The following ZNF749 variants were observed in gnomAD, a reference collection of about 807,000 sequenced individuals.
ZNF749 encodes the protein zinc finger protein 749.
ZNF749 carries 8 observed loss-of-function variants against 7.3 expected under a neutral mutation model. That is an observed-to-expected ratio of 1.10 (90% CI 0.64 to 1.98). ZNF749 has a LOEUF of 1.98. ZNF749 is among the 30% of genes most tolerant of loss of function. The pLI is 0.00. For missense variants in ZNF749, 898 were observed against 932.4 expected, an observed-to-expected ratio of 0.96 and a Z score of 0.48; for synonymous variants, 310 against 322.4, an observed-to-expected ratio of 0.96 and a Z score of 0.41.
chr19:57,432,662 T>C (rs2088905408), upstream of ZNF749, among the ~76,000 whole-genome samples: 1 of 151,104 alleles, frequency 6.6e-6, no homozygotes, highest in Non-Finnish European at 1.5e-5. Flanking sequence ...TGTTGCTAAC[T>C]TAACATGTCA....
intron 1 of ZNF749, 184 bp downstream of exon 1, chr19:57,435,777 G>A (rs1482327444): frequency 7.4e-6 from 9 of 1,215,764 alleles, no homozygotes; most frequent in African/African-American, 1.5e-5. Context: ...ACACGTCTCT[G>A]GGGCTTGGAG....
chr19:57,430,100 C>T, the ZNF749 span, among the ~76,000 whole-genome samples: 2 of 152,198 alleles, frequency 1.3e-5, no homozygotes, highest in African/African-American at 2.4e-5. Context: ...GAGGTTCACA[C>T]CAACATGTAT....
intron 1 of ZNF749, 75 bp from the exon 2 acceptor site, chr19:57,441,810 A>C: frequency 6.4e-7 from 1 of 1,563,844 alleles, no homozygotes; most frequent in Non-Finnish European, 8.7e-7. Flanking sequence ...CTTAGATTTT[A>C]AGTAGATAAA....
rs141493286 is a variant in ZNF749 at position 57,440,445 on chromosome 19, G to C, written c.16-1440G>C. 1.1e-4 allele frequency among the ~76,000 whole-genome samples: 16 copies of C among 151,970 alleles called. No individual in the cohort carries two copies. The East Asian group carries it at 1.7e-3, about 17-fold the overall frequency. ...CTGTGAGGTTGTCACTTGGGTTTTG[G>C]GGGGGCTGAGGTTAAACCAGAAAAC... On this transcript the variant is annotated intron_variant, in intron 1 of 2. Coordinates refer to ENST00000334181, the MANE Select transcript of ZNF749 (RefSeq NM_001023561.4).
chr19:57,444,145 A>G lies in ZNF749; in HGVS notation c.997A>G (p.Lys333Glu), dbSNP rs2089028007. 6.2e-7 allele frequency: 1 copy of G among 1,614,010 alleles called. No homozygotes were observed. The highest frequency in any genetic ancestry group is 1.7e-5 in the Admixed American group (1 of 59,996). ...GCCCTATGAATGCAACAAGTGTGGG[A>G]AGTTTTTTATGTATAACTCCAAACT... is the stretch of plus-strand genomic sequence containing the variant. ...EQPYECNKCG[K>E]FFMYNSKLIR... Residue 333 changes from lysine to glutamate, a missense_variant, in exon 3 of 3, where the codon AAG becomes GAG. Coordinates refer to ENST00000334181, the MANE Select transcript of ZNF749 (RefSeq NM_001023561.4).
In ZNF749 at chr19:57,444,339, C is replaced by T. The variant is rs1462109849; in HGVS notation, c.1191C>T (p.Leu397=). 1.9e-6 allele frequency: 3 copies of T among 1,614,012 alleles called. No individual in the cohort carries two copies. The highest frequency in any genetic ancestry group is 1.7e-6 in the Non-Finnish European group (2 of 1,180,012). ...AATTCTTTAGTCACCGCTCCACACT[C>T]AATATGCACCAGAGAGTTCATGCTG... ...CGKFFSHRST[L]NMHQRVHAGK... The change falls in exon 3 of 3, where the codon CTC becomes CTT. Residue 397 remains leucine (L), a synonymous_variant. Transcript: ENST00000334181.
upstream of ZNF749, chr19:57,435,287 A>G (rs1483068317): frequency 3.5e-6 from 2 of 565,208 alleles, no homozygotes; most frequent in Non-Finnish European, 3.2e-6. Flanking sequence ...TTGGTCTAGC[A>G]GAGAGACGAC....
At chr19:57,430,898 G>T (rs191607567), upstream of ZNF749, among the ~76,000 whole-genome samples, 330 of 152,170 alleles carry the variant, frequency 2.2e-3, 1 homozygote, top group African/African-American at 7.2e-3. Flanking sequence ...AAATTAGCTG[G>T]GCGTGATGGT....
rs147467702 is a variant in ZNF749, at chr19:57,436,198, G to A, written c.15+605G>A. Among the ~76,000 whole-genome samples, 220 of 152,276 alleles carry A rather than the reference G, an allele frequency of 1.4e-3. No individual in the cohort carries two copies. Among genetic ancestry groups the A allele is most frequent in the African/African-American group, 5.0e-3 (206 of 41,564 alleles). On this transcript the variant is annotated intron_variant, in intron 1 of 2. Transcript: ENST00000334181. The surrounding 1 kb of genome is among the most constrained non-coding windows in gnomAD (Gnocchi z 4.0). ...AAAAATCTGAAAGAATGGAATTAGA[G>A]ATATCAGCTTAAGGAGCGGGTTTCA...
intron 1 of ZNF749, among the ~76,000 whole-genome samples, chr19:57,441,337 A>G (rs2088987061): frequency 6.6e-6 from 1 of 152,120 alleles, no homozygotes; most frequent in Admixed American, 6.5e-5. Context: ...CTGGGGAAGC[A>G]CTGAAGATTC....
At chr19:57,430,066 T>G in the ZNF749 span, among the ~76,000 whole-genome samples, 1 of 152,214 alleles carries the variant, frequency 6.6e-6, no homozygotes, top group Non-Finnish European at 1.5e-5. Context: ...CTAATCACCT[T>G]TCATCATTCA....
At position 57,436,022 on chromosome 19, in the gene ZNF749, T is replaced by A. The variant is rs2088932640; in HGVS notation, c.15+429T>A. ...GAGACCCCTTGAGTTATGGTAGGGC[T>A]GGGCCAGAGGGGTTGCAGTAGAGGG... On this transcript the variant is annotated intron_variant, in intron 1 of 2. Coordinates refer to ENST00000334181, the MANE Select transcript of ZNF749 (RefSeq NM_001023561.4). The surrounding 1 kb of genome is among the most constrained non-coding windows in gnomAD (Gnocchi z 4.0). Among the ~76,000 whole-genome samples the A allele has an allele frequency of 6.6e-6, 1 of 152,118 alleles. No homozygotes were observed. The highest frequency in any genetic ancestry group is 2.4e-5 in the African/African-American group (1 of 41,422).
chr19:57,436,115 T>C lies in ZNF749; in HGVS notation c.15+522T>C, dbSNP rs1298199371. ...ACAGGATTTCCTGCTGCATCAAACA[T>C]AGCTGTGAGGGAAAGTCGGTAGTGA... On this transcript the variant is annotated intron_variant, in intron 1 of 2. Transcript: ENST00000334181. The surrounding 1 kb of genome is among the most constrained non-coding windows in gnomAD (Gnocchi z 4.0). Among the ~76,000 whole-genome samples, 40 of 152,106 alleles carry C rather than the reference T, an allele frequency of 2.6e-4. No individual in the cohort carries two copies. The highest frequency in any genetic ancestry group is 2.9e-5 in the Non-Finnish European group (2 of 68,000).
Position 57,443,457 on chromosome 19 carries a change from T to C in ZNF749, c.309T>C (p.Asp103=), listed in dbSNP as rs2089015715. ...LKDILHLAEH[D]GTHPEQGLYT... ...ACATTCTGCACCTGGCTGAGCACGA[T>C]GGAACACACCCTGAGCAAGGGCTGT... Residue 103 remains aspartate (D), a synonymous_variant, in exon 3 of 3, where the codon GAT becomes GAC. Coordinates refer to ENST00000334181, the MANE Select transcript of ZNF749 (RefSeq NM_001023561.4). 2 of 1,614,094 alleles carry C rather than the reference T, an allele frequency of 1.2e-6. No individual in the cohort carries two copies. The highest frequency in any genetic ancestry group is 8.5e-7 in the Non-Finnish European group (1 of 1,180,042).
In ZNF749 at chr19:57,446,593, G is replaced by A. The variant is rs2089068157; in HGVS notation, c.*1108G>A. ...TTATCCATGTTGTAGCATAGCTTAT[G>A]ATTTTCATCTTTTTTAAAGGCCGAA... On this transcript the variant is annotated 3_prime_UTR_variant, in exon 3 of 3. Transcript: ENST00000334181. 6.6e-6 allele frequency among the ~76,000 whole-genome samples: 1 copy of A among 152,134 alleles called. No homozygotes were observed. Among genetic ancestry groups the A allele is most frequent in the African/African-American group, 2.4e-5 (1 of 41,430 alleles).
rs557833501 is a variant in ZNF749 at position 57,440,486 on chromosome 19, G to A, written c.16-1399G>A. Among the ~76,000 whole-genome samples, 80 of 152,206 alleles carry A rather than the reference G, an allele frequency of 5.3e-4. No individual in the cohort carries two copies. In the South Asian group the frequency reaches 0.016, roughly 31 times the overall value. ...ACCAGAAAACAGGACTGGGAAGGGA[G>A]ACCTTCAGAACAGGGCTCGGTGCTG... On this transcript the variant is annotated intron_variant, in intron 1 of 2. Transcript: ENST00000334181.
At chr19:57,432,705 A>T (rs1028812117), upstream of ZNF749, among the ~76,000 whole-genome samples, 1 of 152,172 alleles carries the variant, frequency 6.6e-6, no homozygotes, top group African/African-American at 2.4e-5. Context: ...AGAGCAAAGC[A>T]TAAAGGACCT....
upstream of ZNF749, chr19:57,435,245 A>G (rs1170990853): frequency 1.9e-6 from 1 of 519,342 alleles, no homozygotes; most frequent in Non-Finnish European, 3.5e-6. Flanking sequence ...TACCCAGAAG[A>G]CACTGCGGGG....
the ZNF749 span, among the ~76,000 whole-genome samples, chr19:57,429,339 C>T: frequency 6.6e-6 from 1 of 152,324 alleles, no homozygotes; most frequent in Admixed American, 6.5e-5. This position sits in a 1 kb window ranked among gnomAD's most constrained non-coding sequence, Gnocchi z 4.2. Flanking sequence ...TCAATCAACA[C>T]TTTGATTGTC....
Sources: gnomAD v4.1 joint callset for allele counts (sites outside exome capture counted in the v4.1 genomes callset) on GRCh38, gnomAD v4.1.1 for gene constraint, Gnocchi (gnomAD v3.1) non-coding constraint, MANE v1.5 for transcripts, NCBI Gene and HGNC (gene_info 2026-07-23, HGNC 2026-07-21) for gene names.